The following STAMBP variants were observed in gnomAD, a reference collection of about 807,000 sequenced individuals.
STAMBP encodes the protein STAM-binding protein.
STAMBP carries 31 observed loss-of-function variants against 50.7 expected under a neutral mutation model. The observed-to-expected ratio is 0.61, with a 90% CI of 0.46 to 0.83. STAMBP has a LOEUF of 0.83. Ranked by LOEUF, STAMBP falls within the 40% of genes least tolerant of loss-of-function variation. STAMBP has a pLI of 0.00. For missense variants in STAMBP, 472 were observed against 518.9 expected (o/e 0.91, Z 0.88); for synonymous variants, 211 against 192.4 (o/e 1.10, Z -0.80).
intron 3 of STAMBP, 35 bp from the exon 4 acceptor site, chr2:73,845,132 A>T (rs777821610): frequency 1.2e-6 from 2 of 1,602,624 alleles, no homozygotes; most frequent in South Asian, 2.2e-5. Flanking sequence ...ATTTTCTGGC[A>T]TTGTTCTAAT....
chr2:73,845,818 G>C (rs1460430582), intron 4 of STAMBP, among the ~76,000 whole-genome samples: 3 of 152,128 alleles, frequency 2.0e-5, no homozygotes, highest in Non-Finnish European at 4.4e-5. Context: ...TTTTAGTAGA[G>C]ATGGGGTTTC....
chr2:73,831,029 A>G lies in STAMBP; in HGVS notation c.173A>G (p.His58Arg). The stretch of plus-strand genomic sequence containing the variant: ...TACTCTGAGGAAGGCAACATTGAAC[A>G]TGCCTTCATCCTCTATAACAAGTAT... ...SIYSEEGNIE[H>R]AFILYNKYIT... The change falls in exon 2 of 10, where the codon CAT becomes CGT. Residue 58 changes from histidine to arginine, a missense_variant. Coordinates refer to ENST00000394070, the MANE Select transcript of STAMBP (RefSeq NM_213622.4). The G allele has an allele frequency of 1.2e-6, 2 of 1,614,180 alleles. No homozygotes were observed. The highest frequency in any genetic ancestry group is 1.7e-6 in the Non-Finnish European group (2 of 1,179,964).
chr2:73,829,767 TGA>T (rs1402340550), intron 1 of STAMBP, among the ~76,000 whole-genome samples: 1 of 152,134 alleles, frequency 6.6e-6, no homozygotes, highest in Non-Finnish European at 1.5e-5. Flanking sequence ...TGGAATTGGC[TGA>T]GAGAAGACTA....
intron 2 of STAMBP, among the ~76,000 whole-genome samples, chr2:73,831,738 T>A (rs570512157): frequency 7.9e-5 from 12 of 152,294 alleles, no homozygotes; most frequent in Admixed American, 1.3e-4. Flanking sequence ...CAGGACTTTT[T>A]AAAAAATAAT....
At position 73,866,142 on chromosome 2, in the gene STAMBP, C is replaced by A. The variant is rs1054585949; in HGVS notation, c.*3883C>A. The A allele has an allele frequency of 1.3e-5, 2 of 152,236 alleles. No individual in the cohort carries two copies. Among genetic ancestry groups the A allele is most frequent in the Non-Finnish European group, 2.9e-5 (2 of 68,056 alleles). 9.4% of individuals were successfully genotyped at this position (152,236 alleles called of 1,614,324 possible). On this transcript the variant is annotated 3_prime_UTR_variant, in exon 10 of 10. Coordinates refer to ENST00000394070, the MANE Select transcript of STAMBP (RefSeq NM_213622.4). ...TTAATCCAGGGTTCAATTTTTAGTT[C>A]ACCTTAGCCTGTTTGAGATTAGAAG...
rs1238708983 is a variant in STAMBP, at chr2:73,829,479, C to T, written c.-44C>T. 6.6e-6 allele frequency: 1 copy of T among 152,140 alleles called. No homozygotes were observed. Among genetic ancestry groups the T allele is most frequent in the South Asian group, 2.1e-4 (1 of 4,824 alleles). 9.4% of individuals were successfully genotyped at this position (152,140 alleles called of 1,614,324 possible). On this transcript the variant is annotated 5_prime_UTR_variant, in exon 1 of 10. Transcript: ENST00000394070. ...GCTTCCTGGCCTTGGGAGGTGGTTC[C>T]TTTCTTAACCCACAAGAACCTCTCC...
chr2:73,843,406 G>GTGTATATATATATATATA (rs1458780751), intron 2 of STAMBP, among the ~76,000 whole-genome samples: 7 of 129,940 alleles, frequency 5.4e-5, no homozygotes, highest in African/African-American at 1.7e-4. Flanking sequence ...GTTTGTGTAT[G>GTGTATATATATATATATA]TATATATATA....
At position 73,859,284 on chromosome 2, in the gene STAMBP, A is replaced by G; in HGVS notation, c.1036A>G (p.Ser346Gly). Residue 346 changes from serine to glycine, a missense_variant, in exon 8 of 10, where the codon AGT (serine) becomes GGT (glycine). Physicochemically the swap from Ser to Gly is moderately conservative, Grantham distance 56. Transcript: ENST00000394070. ...THPTQTAFLSSVDLHTHCSYQ... is the reference protein window; with the variant it reads ...THPTQTAFLSGVDLHTHCSYQ... Reference sequence around the variant, plus strand: ...CCCCACACAGACCGCGTTTCTCTCCAGTGTCGACCTACACACTCACTGCTC... The same window carrying G: ...CCCCACACAGACCGCGTTTCTCTCCGGTGTCGACCTACACACTCACTGCTC... The G allele has an allele frequency of 6.2e-7, 1 of 1,613,654 alleles. No homozygotes were observed. Among genetic ancestry groups the G allele is most frequent in the Non-Finnish European group, 8.5e-7 (1 of 1,179,880 alleles).
In STAMBP at chr2:73,830,963, A is replaced by C; in HGVS notation, c.107A>C (p.Tyr36Ser). Residue 36 changes from tyrosine to serine, a missense_variant, in exon 2 of 10, where the codon TAC becomes TCC. Physicochemically the swap from Tyr to Ser is moderately radical, Grantham distance 144. Coordinates refer to ENST00000394070, the MANE Select transcript of STAMBP (RefSeq NM_213622.4). ...EVNEDIPPRRYFRSGVEIIRM... is the reference protein window; with the variant it reads ...EVNEDIPPRRSFRSGVEIIRM... Reference sequence around the variant, plus strand: ...AATGAAGACATTCCACCCCGTCGGTACTTCCGCTCTGGAGTTGAGATTATC... The same window carrying C: ...AATGAAGACATTCCACCCCGTCGGTCCTTCCGCTCTGGAGTTGAGATTATC... 6.2e-7 allele frequency: 1 copy of C among 1,614,216 alleles called. No individual in the cohort carries two copies. The highest frequency in any genetic ancestry group is 8.5e-7 in the Non-Finnish European group (1 of 1,180,034).
At chr2:73,848,608 A>G (rs1676421204) in intron 5 of STAMBP, among the ~76,000 whole-genome samples, 1 of 152,216 alleles carries the variant, frequency 6.6e-6, no homozygotes, top group African/African-American at 2.4e-5. Flanking sequence ...TGGAGAGTGG[A>G]AAGTCCAAGA....
intron 9 of STAMBP, among the ~76,000 whole-genome samples, chr2:73,860,777 TA>T (rs1678241705): frequency 6.6e-6 from 1 of 152,092 alleles, no homozygotes; most frequent in Non-Finnish European, 1.5e-5. Flanking sequence ...GGCCATGGAG[TA>T]TTATTTCTTT....
chr2:73,847,839 T>C (rs1195505722), intron 5 of STAMBP, 86 bp downstream of exon 5: 8 of 1,491,500 alleles, frequency 5.4e-6, no homozygotes, highest in Non-Finnish European at 6.3e-6. Flanking sequence ...ATTACCTCCC[T>C]GATCCCACTC....
At chr2:73,845,624 T>A in intron 4 of STAMBP, among the ~76,000 whole-genome samples, 1 of 150,958 alleles carries the variant, frequency 6.6e-6, no homozygotes, top group African/African-American at 2.5e-5. Flanking sequence ...AGAATTGACT[T>A]TTCAAGCTAT....
At chr2:73,837,321 C>G (rs1049930315) in intron 2 of STAMBP, among the ~76,000 whole-genome samples, 4 of 152,154 alleles carry the variant, frequency 2.6e-5, no homozygotes, top group African/African-American at 9.7e-5. Context: ...CACAGTGGCT[C>G]ACGCCTGTAA....
In STAMBP at chr2:73,859,379, G is replaced by A; in HGVS notation, c.1118+13G>A. ...CCAAGTTCCAGGAGTGAGTATAGAG[G>A]GCATGGTTCTGGGTGTTTCAAGGGG... On this transcript the variant is annotated intron_variant, in intron 8 of 9. Coordinates refer to ENST00000394070, the MANE Select transcript of STAMBP (RefSeq NM_213622.4). The A allele has an allele frequency of 6.2e-7, 1 of 1,606,464 alleles. No homozygotes were observed. The highest frequency in any genetic ancestry group is 1.3e-5 in the African/African-American group (1 of 74,846).
intron 2 of STAMBP, among the ~76,000 whole-genome samples, chr2:73,838,352 A>C (rs2104342767): frequency 6.6e-6 from 1 of 152,338 alleles, no homozygotes; most frequent in Admixed American, 6.5e-5. Context: ...TTGGCACACC[A>C]GCTGTAGTTT....
intron 2 of STAMBP, among the ~76,000 whole-genome samples, chr2:73,834,897 T>C (rs892909138): frequency 2.6e-5 from 4 of 152,128 alleles, no homozygotes; most frequent in African/African-American, 7.2e-5. Context: ...TCATTGTGTT[T>C]GGAGTATAGC....
In STAMBP at chr2:73,855,943, T is replaced by C. The variant is rs556842787; in HGVS notation, c.1006-3311T>C. Among the ~76,000 whole-genome samples the C allele has an allele frequency of 1.3e-5, 2 of 152,344 alleles. 1 individual carries two copies. The highest frequency in any genetic ancestry group is 1.3e-4 in the Admixed American group (2 of 15,312). ...TAGTCAATTGCATGTCTTTATTGTC[T>C]GTGCTTTTCTGTCAGTGAAGGTTGG... is the stretch of plus-strand genomic sequence containing the variant. On this transcript the variant is annotated intron_variant, in intron 7 of 9. Transcript: ENST00000394070.
chr2:73,850,424 G>T lies in STAMBP; in HGVS notation c.916G>T (p.Ala306Ser), dbSNP rs1276204481. Reference protein sequence around the residue: ...ITHVLIPKQSAGSDYCNTENE... With the variant: ...ITHVLIPKQSSGSDYCNTENE... Reference sequence around the variant, plus strand: ...CCATGTTCTCATCCCCAAGCAAAGTGCTGGGTCTGATTACTGCAACACAGA... The same window carrying T: ...CCATGTTCTCATCCCCAAGCAAAGTTCTGGGTCTGATTACTGCAACACAGA... Residue 306 changes from alanine to serine, a missense_variant, in exon 7 of 10, where the codon GCT becomes TCT. Physicochemically the swap from Ala to Ser is moderately conservative, Grantham distance 99. Coordinates refer to ENST00000394070, the MANE Select transcript of STAMBP (RefSeq NM_213622.4). This position sits in a 1 kb window ranked among gnomAD's most constrained non-coding sequence, Gnocchi z 4.3. The T allele has an allele frequency of 6.2e-7, 1 of 1,613,702 alleles. No individual in the cohort carries two copies.
Sources: gnomAD v4.1 joint callset for allele counts (sites outside exome capture counted in the v4.1 genomes callset) on GRCh38, gnomAD v4.1.1 for gene constraint, Gnocchi (gnomAD v3.1) non-coding constraint, MANE v1.5 for transcripts, NCBI Gene and HGNC (gene_info 2026-07-23, HGNC 2026-07-21) for gene names.